The following GCA variants were observed in gnomAD, a reference collection of about 807,000 sequenced individuals.
The protein encoded by GCA is grancalcin, EF-hand calcium-binding protein.
GCA carries 30 observed loss-of-function variants against 32.6 expected under a neutral mutation model. That is an observed-to-expected ratio of 0.92 (90% CI 0.69 to 1.25). The LOEUF (loss-of-function observed/expected upper bound fraction) is 1.25. Among genes scored for constraint, GCA ranks in the 50% most tolerant of loss-of-function variants. GCA has a pLI of 0.00. For missense variants in GCA, 291 were observed against 266.8 expected, an observed-to-expected ratio of 1.09 and a Z score of -0.63; for synonymous variants, 102 against 84.6, an observed-to-expected ratio of 1.21 and a Z score of -1.13.
chr2:162,322,031 G>T (rs1683691395), intron 1 of GCA, among the ~76,000 whole-genome samples: 1 of 148,930 alleles, frequency 6.7e-6, no homozygotes, highest in Non-Finnish European at 1.5e-5. Context: ...GGCTGATTTA[G>T]CAGGAAAGTT....
chr2:162,367,234 C>G (rs760223502), downstream of GCA, among the ~76,000 whole-genome samples: 5 of 151,858 alleles, frequency 3.3e-5, no homozygotes, highest in South Asian at 4.1e-4. Flanking sequence ...CCATTTCCAC[C>G]GTTCCGCACA....
chr2:162,371,156 TAC>T (rs1685927113), intron 4 of GCA: 1 of 334,128 alleles, frequency 3.0e-6, no homozygotes, highest in Admixed American at 3.8e-5. Flanking sequence ...CAGTGGAAAA[TAC>T]TTTAGATGGT....
chr2:162,351,362 A>G (rs1269724739), intron 2 of GCA, among the ~76,000 whole-genome samples: 1 of 152,220 alleles, frequency 6.6e-6, no homozygotes, highest in Non-Finnish European at 1.5e-5. Context: ...CTTGCTGCCT[A>G]ACGAAGGGCA....
chr2:162,350,083 G>T (rs1440378736), intron 2 of GCA, among the ~76,000 whole-genome samples: 3 of 152,104 alleles, frequency 2.0e-5, no homozygotes. Flanking sequence ...AACTATAATA[G>T]TCACCATCCC....
chr2:162,345,372 G>A (rs1057014476), intron 1 of GCA, among the ~76,000 whole-genome samples: 7 of 152,098 alleles, frequency 4.6e-5, no homozygotes, highest in Admixed American at 1.3e-4. Context: ...AAACCTGTGG[G>A]TCTTTAAAAA....
Position 162,362,342 on chromosome 2 carries a change from C to G in GCA, c.*2099C>G. ...CTGCACTTTACATTAAACAGACAAA[C>G]TTATGTTAACAAAAACATTAGGCCT... On this transcript the variant is annotated 3_prime_UTR_variant, in exon 8 of 8. Transcript: ENST00000437150. 1 of 982,442 alleles carries G rather than the reference C, an allele frequency of 1.0e-6. No homozygotes were observed. Among genetic ancestry groups the G allele is most frequent in the Non-Finnish European group, 1.2e-6 (1 of 827,510 alleles). 60.9% of individuals were successfully genotyped at this position (982,442 alleles called of 1,614,324 possible). A position where few individuals can be genotyped will look rare whatever the true frequency, so the allele number is the denominator to read the frequency against.
At chr2:162,345,436 G>C (rs1356989044) in intron 1 of GCA, among the ~76,000 whole-genome samples, 1 of 152,108 alleles carries the variant, frequency 6.6e-6, no homozygotes, top group Non-Finnish European at 1.5e-5. Flanking sequence ...TTAGAAGTTT[G>C]TATATTTACT....
At chr2:162,347,342 T>C (rs1280428762) in intron 1 of GCA, among the ~76,000 whole-genome samples, 1 of 152,212 alleles carries the variant, frequency 6.6e-6, no homozygotes, top group Non-Finnish European at 1.5e-5. Flanking sequence ...TAGAGGCTAG[T>C]AACTTTCTTT....
At chr2:162,358,725 G>A (rs1685409320) in intron 5 of GCA, among the ~76,000 whole-genome samples, 1 of 151,212 alleles carries the variant, frequency 6.6e-6, no homozygotes, top group Admixed American at 6.6e-5. Flanking sequence ...TTACATACTT[G>A]AAATATTGAA....
At chr2:162,321,585 G>T (rs1321694365) in intron 1 of GCA, among the ~76,000 whole-genome samples, 1 of 152,004 alleles carries the variant, frequency 6.6e-6, no homozygotes, top group Non-Finnish European at 1.5e-5. Context: ...GCAGTGTGGG[G>T]TATGGTTAAG....
rs143963156 is a variant in GCA at position 162,331,460 on chromosome 2, A to G, written c.-31+12235A>G. Among the ~76,000 whole-genome samples the G allele has an allele frequency of 6.8e-4, 104 of 152,364 alleles. 1 individual carries two copies. The highest frequency in any genetic ancestry group is 2.4e-3 in the African/African-American group (101 of 41,584). On this transcript the variant is annotated intron_variant, in intron 1 of 4. Coordinates refer to the GCA transcript ENST00000429691. ...TATTTATGCTGAGATATCATCCCCA[A>G]TGCAACAGTGTTAAGAGGTGGGGCC...
rs768839538 is a variant in GCA at position 162,356,435 on chromosome 2, C to T, written c.263-3C>T. ...TAATTTAAATATTGAATATGTTTTA[C>T]AGCCTTCAGTTTGGAAACCTGCAGA... is the stretch of plus-strand genomic sequence containing the variant. On this transcript the variant is annotated splice_region_variant and splice_polypyrimidine_tract_variant and intron_variant, in intron 3 of 7. Transcript: ENST00000437150. 5 of 1,533,008 alleles carry T rather than the reference C, an allele frequency of 3.3e-6. No individual in the cohort carries two copies. Among genetic ancestry groups the T allele is most frequent in the Admixed American group, 1.7e-5 (1 of 59,672 alleles). The allele number at this position is 1,533,008 out of a possible 1,614,324, so 95.0% of individuals were successfully genotyped here.
downstream of GCA, among the ~76,000 whole-genome samples, chr2:162,374,513 G>GA (rs1441697462): frequency 6.6e-6 from 1 of 152,208 alleles, no homozygotes; most frequent in East Asian, 1.9e-4. Context: ...TGCCTCTTTA[G>GA]AAAATTCTTC....
At chr2:162,339,703 C>G (rs559760170), upstream of GCA, among the ~76,000 whole-genome samples, 1 of 152,298 alleles carries the variant, frequency 6.6e-6, no homozygotes, top group Admixed American at 6.5e-5. Flanking sequence ...TCCTCATGCA[C>G]CAAGCAAAGG....
At chr2:162,363,294 T>TAAC (rs1271925137), downstream of GCA, among the ~76,000 whole-genome samples, 1 of 151,432 alleles carries the variant, frequency 6.6e-6, no homozygotes, top group Non-Finnish European at 1.5e-5. Flanking sequence ...CCCATAAGCT[T>TAAC]TAAAATGCAA....
intron 1 of GCA, among the ~76,000 whole-genome samples, chr2:162,331,183 C>A (rs2105273453): frequency 6.6e-6 from 1 of 152,286 alleles, no homozygotes; most frequent in East Asian, 1.9e-4. Flanking sequence ...AAAAAGGATA[C>A]TTATTTATAG....
intron 1 of GCA, chr2:162,346,771 G>C (rs1684730698): frequency 6.6e-6 from 1 of 152,168 alleles, no homozygotes; most frequent in African/African-American, 2.4e-5. Context: ...CATAATGTGG[G>C]TAAGGAAAGG....
At chr2:162,366,583 G>A (rs758766156), downstream of GCA, among the ~76,000 whole-genome samples, 7 of 151,802 alleles carry the variant, frequency 4.6e-5, no homozygotes, top group Non-Finnish European at 7.4e-5. Context: ...CTACTGTTGG[G>A]CACTGATCAA....
intron 1 of GCA, among the ~76,000 whole-genome samples, chr2:162,319,659 G>A (rs541599135): frequency 4.5e-4 from 68 of 152,324 alleles, no homozygotes; most frequent in African/African-American, 1.6e-3. Context: ...CCACATAAAT[G>A]TGAGTCCTTA....
Sources: allele counts gnomAD v4.1 joint callset (sites outside exome capture counted in the v4.1 genomes callset), GRCh38; gene constraint gnomAD v4.1.1; transcripts MANE v1.5; gene names NCBI Gene and HGNC (gene_info 2026-07-23, HGNC 2026-07-21).